The following MGAT4C variants were observed in gnomAD, a reference collection of about 807,000 sequenced individuals.
The protein encoded by MGAT4C is alpha-1,3-mannosyl-glycoprotein 4-beta-N-acetylglucosaminyltransferase C.
Under a neutral mutation model 40.1 loss-of-function variants are expected in MGAT4C, and 19 were observed. That is an observed-to-expected ratio of 0.47 (90% CI 0.33 to 0.70). The LOEUF (loss-of-function observed/expected upper bound fraction) is 0.70, where lower values mean the gene tolerates loss of function less well. MGAT4C is among the 30% of genes least tolerant of loss of function. The probability of loss-of-function intolerance (pLI) is 0.02; values close to 1 mark genes in which losing one functional copy is unlikely to be tolerated. For missense variants in MGAT4C, 491 were observed against 563.2 expected (o/e 0.87, Z 1.30); for synonymous variants, 181 against 187.1 (o/e 0.97, Z 0.27).
intron 2 of MGAT4C, among the ~76,000 whole-genome samples, chr12:86,725,904 C>T (rs1950814587): frequency 6.6e-6 from 1 of 152,178 alleles, no homozygotes; most frequent in Non-Finnish European, 1.5e-5. Flanking sequence ...TGGAAAGTTG[C>T]ATTATGGTTG....
chr12:85,997,497 C>CT lies in MGAT4C; in HGVS notation c.-6-7946dup, dbSNP rs1886757568. ...GTCTCATCCGAGACAAGGCAAGTAC[C>CT]TTCAGCCTATGAGACTGTAAAATCA... On this transcript the variant is annotated intron_variant, in intron 2 of 4. Transcript: ENST00000611864. Among the ~76,000 whole-genome samples, 5 of 152,264 alleles carry CT rather than the reference C, an allele frequency of 3.3e-5. No homozygotes were observed. In the South Asian group the frequency reaches 1.0e-3, roughly 32 times the overall value.
intron 1 of MGAT4C, among the ~76,000 whole-genome samples, chr12:86,814,845 T>C (rs550080931): frequency 1.3e-5 from 2 of 152,164 alleles, no homozygotes; most frequent in East Asian, 3.9e-4. Flanking sequence ...AAGCCCTCAC[T>C]AGACACTGAA....
Position 86,265,645 on chromosome 12 carries a change from T to C in MGAT4C, c.-57+68420A>G, listed in dbSNP as rs191722525. Among the ~76,000 whole-genome samples, 870 of 152,268 alleles carry C rather than the reference T, an allele frequency of 5.7e-3. 4 individuals carry two copies. The highest frequency in any genetic ancestry group is 0.01 in the Middle Eastern group (3 of 294). On this transcript the variant is annotated intron_variant, in intron 4 of 7. Transcript: ENST00000548651. Reference sequence around the variant, plus strand: ...GATCACTTTGGCCATTCAGGGTCTTTTTGGTTTCATATACATTTTAGGTTT... The same window carrying C: ...GATCACTTTGGCCATTCAGGGTCTTCTTGGTTTCATATACATTTTAGGTTT...
At chr12:86,372,532 T>A (rs1955737728) in intron 3 of MGAT4C, among the ~76,000 whole-genome samples, 1 of 151,918 alleles carries the variant, frequency 6.6e-6, no homozygotes, top group South Asian at 2.1e-4. Context: ...ATGCAGTTCA[T>A]CTTCTGAAAT....
chr12:86,612,785 C>G (rs566921909), intron 2 of MGAT4C, among the ~76,000 whole-genome samples: 16 of 150,690 alleles, frequency 1.1e-4, no homozygotes, highest in African/African-American at 3.9e-4. Flanking sequence ...ACCGCCCCTG[C>G]ACCAAATTAA....
intron 4 of MGAT4C, among the ~76,000 whole-genome samples, chr12:86,308,514 G>GA (rs570426093): frequency 0.012 from 1,717 of 148,168 alleles, 43 homozygotes; most frequent in East Asian, 0.047. Context: ...TTCTGCAAAG[G>GA]AAAAAAAAAT....
intron 1 of MGAT4C, among the ~76,000 whole-genome samples, chr12:86,110,265 AGAC>A (rs1277496436): frequency 1.4e-5 from 1 of 72,324 alleles, no homozygotes; most frequent in African/African-American, 7.2e-5. Flanking sequence ...ATATATATAT[AGAC>A]TATATATATA....
chr12:86,535,376 AAT>A (rs1459681495), intron 2 of MGAT4C, among the ~76,000 whole-genome samples: 1 of 152,080 alleles, frequency 6.6e-6, no homozygotes, highest in Non-Finnish European at 1.5e-5. Flanking sequence ...ATTTCTTCAG[AAT>A]AGAGTAATGC....
At chr12:86,585,162 A>T (rs1960962173) in intron 2 of MGAT4C, among the ~76,000 whole-genome samples, 1 of 151,442 alleles carries the variant, frequency 6.6e-6, no homozygotes, top group Non-Finnish European at 1.5e-5. Flanking sequence ...CTTAAATATT[A>T]TAGTTTTATA....
chr12:86,490,255 T>TG lies in MGAT4C; in HGVS notation c.-228-54991dup, dbSNP rs1380712136. Reference sequence around the variant, plus strand: ...AGAAACCCTACAAGCCAGAAGAGAGTGGGGGCCAATATTCAACATTCTTAA... The same window carrying TG: ...AGAAACCCTACAAGCCAGAAGAGAGTGGGGGGCCAATATTCAACATTCTTAA... On this transcript the variant is annotated intron_variant, in intron 2 of 7. Coordinates refer to the MGAT4C transcript ENST00000548651. 3.3e-5 allele frequency among the ~76,000 whole-genome samples: 5 copies of TG among 150,648 alleles called. No homozygotes were observed. In the East Asian group the frequency reaches 9.9e-4, roughly 30 times the overall value.
chr12:86,547,509 T>A (rs1959201834), intron 2 of MGAT4C, among the ~76,000 whole-genome samples: 1 of 152,294 alleles, frequency 6.6e-6, no homozygotes, highest in Non-Finnish European at 1.5e-5. Flanking sequence ...TAAAAATGCC[T>A]GGTTCATAGC....
chr12:86,026,545 A>G (rs1327357933), intron 2 of MGAT4C, among the ~76,000 whole-genome samples: 2 of 151,960 alleles, frequency 1.3e-5, no homozygotes, highest in African/African-American at 4.8e-5. Flanking sequence ...TCCAAATACT[A>G]TCTTACAAAA....
upstream of MGAT4C, among the ~76,000 whole-genome samples, chr12:86,257,663 A>G (rs922229749): frequency 6.6e-6 from 1 of 152,230 alleles, no homozygotes; most frequent in African/African-American, 2.4e-5. Context: ...TTTTTACTCA[A>G]TGGCCTCAAT....
chr12:86,106,234 T>C (rs145013077), intron 1 of MGAT4C, among the ~76,000 whole-genome samples: 7 of 152,144 alleles, frequency 4.6e-5, no homozygotes. Context: ...GTTTGATATA[T>C]TTCTCTTCTC....
chr12:86,453,802 A>G (rs1259973685), intron 2 of MGAT4C, among the ~76,000 whole-genome samples: 1 of 152,142 alleles, frequency 6.6e-6, no homozygotes, highest in Non-Finnish European at 1.5e-5. Context: ...ACTTTTGCTT[A>G]CTAGATTCTT....
chr12:86,609,655 ACT>A (rs1207745958), intron 2 of MGAT4C, among the ~76,000 whole-genome samples: 2 of 151,800 alleles, frequency 1.3e-5, no homozygotes, highest in South Asian at 2.1e-4. Context: ...TTTTCTGAAA[ACT>A]CTGTTTACTT....
At chr12:86,566,111 CA>C (rs1466297297) in intron 2 of MGAT4C, among the ~76,000 whole-genome samples, 1 of 152,136 alleles carries the variant, frequency 6.6e-6, no homozygotes, top group African/African-American at 2.4e-5. Flanking sequence ...CCTGAATAGA[CA>C]GTTACTTCGG....
At chr12:86,142,725 T>G (rs554122809) in intron 1 of MGAT4C, among the ~76,000 whole-genome samples, 24 of 151,974 alleles carry the variant, frequency 1.6e-4, no homozygotes, top group Non-Finnish European at 2.6e-4. Context: ...TTTTTTTGTT[T>G]TTTTTGTGGA....
intron 2 of MGAT4C, among the ~76,000 whole-genome samples, chr12:86,634,322 C>A (rs1339033843): frequency 6.6e-6 from 1 of 152,004 alleles, no homozygotes; most frequent in Non-Finnish European, 1.5e-5. Flanking sequence ...TTATTTAATC[C>A]ATCTATACTT....
Sources: gnomAD v4.1 joint callset for allele counts (sites outside exome capture counted in the v4.1 genomes callset) on GRCh38, gnomAD v4.1.1 for gene constraint, MANE v1.5 for transcripts, NCBI Gene and HGNC (gene_info 2026-07-23, HGNC 2026-07-21) for gene names.